Variants in SRRM4 observed in about 807,000 individuals in gnomAD.
The protein encoded by SRRM4 is serine/arginine repetitive matrix protein 4.
In SRRM4, 33 loss-of-function variants were observed where a neutral mutation model predicts 68.9. That is an observed-to-expected ratio of 0.48 (90% CI 0.36 to 0.64). The LOEUF (loss-of-function observed/expected upper bound fraction) is 0.64. SRRM4 is among the 30% of genes least tolerant of loss of function. The pLI is 0.00. For missense variants in SRRM4, 817 were observed against 827.1 expected (o/e 0.99, Z 0.15); for synonymous variants, 318 against 318.8 (o/e 1.00, Z 0.03).
chr12:119,130,527 A>G (rs1954290445), intron 7 of SRRM4, 151 bp from the exon 8 acceptor site: 1 of 677,852 alleles, frequency 1.5e-6, no homozygotes, highest in Admixed American at 3.2e-5. Context: ...ATACACACAC[A>G]TGCAGACATA....
Position 119,154,185 on chromosome 12 carries a change from C to A in SRRM4, c.1392-58C>A. ...AAAGGGAGTGTCCCTCTCCCACGCG[C>A]TCACGCAGAAAATCCAGCCCAGCCC... On this transcript the variant is annotated intron_variant, in intron 11 of 12. Coordinates refer to ENST00000267260, the MANE Select transcript of SRRM4 (RefSeq NM_194286.4). This position sits in a 1 kb window ranked among gnomAD's most constrained non-coding sequence, Gnocchi z 4.7. The A allele has an allele frequency of 1.3e-6, 2 of 1,506,930 alleles. No homozygotes were observed. Among genetic ancestry groups the A allele is most frequent in the Admixed American group, 3.9e-5 (2 of 51,628 alleles). The allele number at this position is 1,506,930 out of a possible 1,614,324, so 93.3% of individuals were successfully genotyped here. A position where few individuals can be genotyped will look rare whatever the true frequency, so the allele number is the denominator to read the frequency against.
intron 1 of SRRM4, among the ~76,000 whole-genome samples, chr12:119,058,327 A>C (rs1953789871): frequency 6.6e-6 from 1 of 152,218 alleles, no homozygotes; most frequent in African/African-American, 2.4e-5. Flanking sequence ...GATTAACAAT[A>C]ATTAGTCAAT....
At chr12:119,009,092 C>T (rs763913323) in intron 1 of SRRM4, among the ~76,000 whole-genome samples, 1 of 152,156 alleles carries the variant, frequency 6.6e-6, no homozygotes, top group Non-Finnish European at 1.5e-5. Flanking sequence ...CACTCGCTCG[C>T]ACACGCAGCT....
At chr12:119,073,251 C>A (rs1345513284) in intron 1 of SRRM4, among the ~76,000 whole-genome samples, 1 of 151,414 alleles carries the variant, frequency 6.6e-6, no homozygotes, top group Non-Finnish European at 1.5e-5. Flanking sequence ...TCCTTACTTG[C>A]TGTGTGACCT....
At chr12:119,091,537 C>A (rs74950731) in intron 1 of SRRM4, among the ~76,000 whole-genome samples, 6,071 of 152,202 alleles carry the variant, frequency 0.04, 137 homozygotes, top group African/African-American at 0.057. Context: ...GTCGTCTGTT[C>A]CTGGAAAATG....
chr12:118,991,624 T>G (rs1953317491), intron 1 of SRRM4: 1 of 152,252 alleles, frequency 6.6e-6, no homozygotes, highest in Non-Finnish European at 1.5e-5. Flanking sequence ...ATGCATGAAC[T>G]GTAGCACTTT....
At chr12:119,117,672 G>C (rs943336095) in intron 4 of SRRM4, among the ~76,000 whole-genome samples, 4 of 152,154 alleles carry the variant, frequency 2.6e-5, no homozygotes, top group African/African-American at 9.7e-5. Flanking sequence ...CTGGCACTTT[G>C]GGAGACCAAG....
intron 9 of SRRM4, among the ~76,000 whole-genome samples, chr12:119,149,951 C>A (rs1034106238): frequency 6.6e-6 from 1 of 152,148 alleles, no homozygotes; most frequent in Non-Finnish European, 1.5e-5. Flanking sequence ...CAGAAGACAG[C>A]ACTCTAGCCT....
chr12:119,082,792 G>A (rs1953956846), intron 1 of SRRM4, among the ~76,000 whole-genome samples: 1 of 152,174 alleles, frequency 6.6e-6, no homozygotes, highest in African/African-American at 2.4e-5. Flanking sequence ...AGAAAAGCAG[G>A]GCTCTGCTTG....
At chr12:119,143,771 T>C (rs1954382678) in intron 8 of SRRM4, among the ~76,000 whole-genome samples, 1 of 152,148 alleles carries the variant, frequency 6.6e-6, no homozygotes, top group South Asian at 2.1e-4. Flanking sequence ...ACCTGGAAAG[T>C]GGCATAGGAG....
At chr12:119,028,853 G>T (rs139450362) in intron 1 of SRRM4, among the ~76,000 whole-genome samples, 1 of 152,314 alleles carries the variant, frequency 6.6e-6, no homozygotes, top group Non-Finnish European at 1.5e-5. Flanking sequence ...GTGATCCCAG[G>T]CTATAGGCAA....
chr12:119,081,848 G>T (rs1953949608), intron 1 of SRRM4, among the ~76,000 whole-genome samples: 1 of 152,250 alleles, frequency 6.6e-6, no homozygotes. Context: ...CTGAAAGAGA[G>T]AAGTCAAGGA....
rs1954513204 is a variant in SRRM4, at chr12:119,161,462, T to C, written c.*4664T>C. On this transcript the variant is annotated 3_prime_UTR_variant, in exon 13 of 13. Coordinates refer to ENST00000267260, the MANE Select transcript of SRRM4 (RefSeq NM_194286.4). ...CTCTTCTATCTGTGGTTGCTGTTTT[T>C]GGAGTAAAAGTTTCTGTGTGTGTTT... The C allele has an allele frequency of 6.6e-6, 1 of 152,246 alleles. No individual in the cohort carries two copies. The highest frequency in any genetic ancestry group is 1.5e-5 in the Non-Finnish European group (1 of 68,044). 9.4% of individuals were successfully genotyped at this position (152,246 alleles called of 1,614,324 possible). A position where few individuals can be genotyped will look rare whatever the true frequency, so the allele number is the denominator to read the frequency against.
intron 1 of SRRM4, among the ~76,000 whole-genome samples, chr12:119,089,814 TCATCAC>T (rs1954003410): frequency 6.6e-6 from 1 of 152,182 alleles, no homozygotes; most frequent in African/African-American, 2.4e-5. Flanking sequence ...ATTATCACCA[TCATCAC>T]CATCACCATC....
intron 1 of SRRM4, among the ~76,000 whole-genome samples, chr12:119,076,564 A>T (rs915813410): frequency 1.3e-5 from 2 of 152,214 alleles, no homozygotes; most frequent in Non-Finnish European, 2.9e-5. Context: ...CATATATTAA[A>T]ATGATATCAA....
chr12:119,137,587 G>GGAGAGAGAGA (rs55883419), intron 8 of SRRM4, among the ~76,000 whole-genome samples: 43 of 119,184 alleles, frequency 3.6e-4, no homozygotes, highest in African/African-American at 1.4e-3. Flanking sequence ...GGTTTGGAGT[G>GGAGAGAGAGA]GAGAGAGAGA....
At chr12:119,045,618 T>C (rs1953702253) in intron 1 of SRRM4, among the ~76,000 whole-genome samples, 1 of 152,080 alleles carries the variant, frequency 6.6e-6, no homozygotes, top group South Asian at 2.1e-4. Context: ...CTAATGCCGA[T>C]TCCAGGGACC....
At position 119,159,866 on chromosome 12, in the gene SRRM4, C is replaced by G. The variant is rs986945893; in HGVS notation, c.*3068C>G. The G allele has an allele frequency of 3.4e-5, 5 of 147,718 alleles. No individual in the cohort carries two copies. The highest frequency in any genetic ancestry group is 1.3e-4 in the African/African-American group (5 of 39,132). The allele number at this position is 147,718 out of a possible 1,614,324, so 9.2% of individuals were successfully genotyped here. ...TGTTTCATCAGGGGAAAGCACAAAG[C>G]TATTTCTGAAATTAGGAAAAAAAAA... On this transcript the variant is annotated 3_prime_UTR_variant, in exon 13 of 13. Transcript: ENST00000267260.
chr12:119,097,114 G>C (rs942382934), intron 1 of SRRM4, among the ~76,000 whole-genome samples: 1 of 152,092 alleles, frequency 6.6e-6, no homozygotes, highest in South Asian at 2.1e-4. Context: ...CAAAGATTTC[G>C]GCTTCTTTTA....
Sources: allele counts gnomAD v4.1 joint callset (sites outside exome capture counted in the v4.1 genomes callset), GRCh38; gene constraint gnomAD v4.1.1; non-coding constraint Gnocchi (gnomAD v3.1); transcripts MANE v1.5; gene names NCBI Gene and HGNC (gene_info 2026-07-23, HGNC 2026-07-21).